GRIN2B: variants seen among roughly 807,000 people sequenced by gnomAD.
GRIN2B encodes the protein glutamate ionotropic receptor NMDA type subunit 2B.
GRIN2B carries 5 observed loss-of-function variants against 114.5 expected under a neutral mutation model. The observed-to-expected ratio is 0.04, with a 90% CI of 0.02 to 0.09. The LOEUF (loss-of-function observed/expected upper bound fraction) is 0.09, where lower values mean the gene tolerates loss of function less well. Ranked by LOEUF, GRIN2B falls within the 10% of genes least tolerant of loss-of-function variation. The pLI is 1.00. For synonymous variants in GRIN2B, 787 were observed against 745.1 expected (o/e 1.06, Z -0.92); for missense variants, 1,108 against 1,943.5 (o/e 0.57, Z 8.08).
intron 10 of GRIN2B, among the ~76,000 whole-genome samples, chr12:13,608,261 C>T (rs915312487): frequency 3.3e-5 from 5 of 152,294 alleles, no homozygotes; most frequent in African/African-American, 4.8e-5. Flanking sequence ...TACACGGCGG[C>T]GGTCCTCTAA....
chr12:13,575,591 G>A (rs1047368241), intron 10 of GRIN2B, among the ~76,000 whole-genome samples: 5 of 151,932 alleles, frequency 3.3e-5, no homozygotes, highest in Non-Finnish European at 7.4e-5. Context: ...CCCAGGAGGT[G>A]GAGGTTGCAG....
chr12:13,804,152 GCT>G (rs745410501), intron 3 of GRIN2B, among the ~76,000 whole-genome samples: 2 of 126,546 alleles, frequency 1.6e-5, no homozygotes, highest in Non-Finnish European at 3.8e-5. Context: ...CATTTCTGCA[GCT>G]CTCTTTTTTT....
chr12:13,921,957 A>G (rs1386487200), intron 2 of GRIN2B, among the ~76,000 whole-genome samples: 1 of 152,182 alleles, frequency 6.6e-6, no homozygotes, highest in East Asian at 1.9e-4. Flanking sequence ...TAAATATGCA[A>G]CCTTGACCAA....
chr12:13,848,684 C>A (rs1394558460), intron 3 of GRIN2B, among the ~76,000 whole-genome samples: 1 of 152,148 alleles, frequency 6.6e-6, no homozygotes, highest in Non-Finnish European at 1.5e-5. Flanking sequence ...CTCCCACAGA[C>A]AAAAAGCCAG....
At chr12:13,941,724 G>C (rs553816146) in intron 2 of GRIN2B, among the ~76,000 whole-genome samples, 1 of 152,314 alleles carries the variant, frequency 6.6e-6, no homozygotes, top group Admixed American at 6.5e-5. Context: ...CAGATTTCCA[G>C]TCTGTTAGCG....
chr12:13,702,097 T>C (rs1346013583), intron 4 of GRIN2B, among the ~76,000 whole-genome samples: 2 of 152,250 alleles, frequency 1.3e-5, no homozygotes, highest in South Asian at 2.1e-4. Flanking sequence ...AAGTGTTTTA[T>C]AATTTATGGA....
At chr12:13,737,025 C>T (rs1312814477) in intron 4 of GRIN2B, among the ~76,000 whole-genome samples, 2 of 42,504 alleles carry the variant, frequency 4.7e-5, no homozygotes, top group Non-Finnish European at 8.4e-5. Flanking sequence ...AGAGAAACTC[C>T]ATCTCAAAAA....
At chr12:13,762,160 C>T (rs960601867) in intron 3 of GRIN2B, among the ~76,000 whole-genome samples, 4 of 152,064 alleles carry the variant, frequency 2.6e-5, no homozygotes, top group East Asian at 1.9e-4. Context: ...CCCGCCACCA[C>T]GACCGGCTAA....
chr12:13,540,025 C>T lies in GRIN2B; in HGVS notation c.*22758G>A, dbSNP rs1210433478. On this transcript the variant is annotated 3_prime_UTR_variant, in exon 14 of 14. Transcript: ENST00000609686. ...TTATGGGATTTGTTTCAGAATAATACATGAGGGGGAGATGAGTGTAACCAA... is the reference window on the plus strand; with the variant it reads ...TTATGGGATTTGTTTCAGAATAATATATGAGGGGGAGATGAGTGTAACCAA... The T allele has an allele frequency of 6.6e-6, 1 of 152,134 alleles. No homozygotes were observed. Among genetic ancestry groups the T allele is most frequent in the African/African-American group, 2.4e-5 (1 of 41,434 alleles). The allele number at this position is 152,134 out of a possible 1,614,324, so 9.4% of individuals were successfully genotyped here. A position where few individuals can be genotyped will look rare whatever the true frequency, so the allele number is the denominator to read the frequency against.
At chr12:13,817,097 T>C (rs1298201796) in intron 3 of GRIN2B, among the ~76,000 whole-genome samples, 1 of 152,150 alleles carries the variant, frequency 6.6e-6, no homozygotes, top group East Asian at 1.9e-4. Context: ...ATTTTTTTTT[T>C]TCTCAATTTC....
Position 13,889,946 on chromosome 12 carries a change from T to C in GRIN2B, c.-18-23720A>G, listed in dbSNP as rs972495317. Among the ~76,000 whole-genome samples the C allele has an allele frequency of 3.3e-5, 5 of 152,294 alleles. No individual in the cohort carries two copies. The South Asian group carries it at 1.0e-3, about 32-fold the overall frequency. On this transcript the variant is annotated intron_variant, in intron 2 of 13. Transcript: ENST00000609686. ...GCTGCTCAGAGGATTTCATCTTGCC[T>C]AGACTTCTAAGAAAAGCCTGATCAA...
chr12:13,970,369 C>T (rs371602606), intron 2 of GRIN2B, among the ~76,000 whole-genome samples: 3 of 152,142 alleles, frequency 2.0e-5, no homozygotes, highest in Admixed American at 1.3e-4. Flanking sequence ...AAGATACTTT[C>T]GTCTGTTCCA....
rs73307993 is a variant in GRIN2B, at chr12:13,889,927, C to A, written c.-18-23701G>T. Reference sequence around the variant, plus strand: ...ACCGTCATTCTCCAGCCTTGCTGCTCAGAGGATTTCATCTTGCCTAGACTT... The same window carrying A: ...ACCGTCATTCTCCAGCCTTGCTGCTAAGAGGATTTCATCTTGCCTAGACTT... On this transcript the variant is annotated intron_variant, in intron 2 of 13. Coordinates refer to ENST00000609686, the MANE Select transcript of GRIN2B (RefSeq NM_000834.5). Among the ~76,000 whole-genome samples, 1,042 of 152,304 alleles carry A rather than the reference C, an allele frequency of 6.8e-3. 17 individuals carry two copies. The highest frequency in any genetic ancestry group is 0.024 in the African/African-American group (981 of 41,566).
intron 4 of GRIN2B, among the ~76,000 whole-genome samples, chr12:13,724,537 C>T (rs941402202): frequency 6.6e-6 from 1 of 151,840 alleles, no homozygotes. Flanking sequence ...AAGACTTTGG[C>T]AAAATATTGA....
At chr12:13,890,873 G>A (rs1291065520) in intron 2 of GRIN2B, among the ~76,000 whole-genome samples, 1 of 152,172 alleles carries the variant, frequency 6.6e-6, no homozygotes, top group Non-Finnish European at 1.5e-5. Flanking sequence ...GACAGGTAGT[G>A]CCCTGGGTAT....
intron 3 of GRIN2B, among the ~76,000 whole-genome samples, chr12:13,805,462 C>T (rs113881181): frequency 3.3e-5 from 5 of 152,248 alleles, no homozygotes; most frequent in African/African-American, 1.2e-4. Flanking sequence ...TCAGTGCTAA[C>T]TACAGCACAA....
intron 4 of GRIN2B, among the ~76,000 whole-genome samples, chr12:13,739,626 A>C (rs1863246820): frequency 6.6e-6 from 1 of 151,976 alleles, no homozygotes; most frequent in African/African-American, 2.4e-5. Context: ...TCCCCGGTGT[A>C]ATACTTGTGG....
At chr12:13,917,480 G>A (rs186616986) in intron 2 of GRIN2B, among the ~76,000 whole-genome samples, 66 of 152,306 alleles carry the variant, frequency 4.3e-4, no homozygotes, top group Non-Finnish European at 8.4e-4. Context: ...AATGTACAGA[G>A]AGAAATGTCA....
At chr12:13,748,879 T>C (rs1863432933) in intron 4 of GRIN2B, among the ~76,000 whole-genome samples, 1 of 152,250 alleles carries the variant, frequency 6.6e-6, no homozygotes, top group South Asian at 2.1e-4. Context: ...TTGGTATAAA[T>C]ATGTCCCATG....
Sources: gnomAD v4.1 joint callset for allele counts (sites outside exome capture counted in the v4.1 genomes callset) on GRCh38, gnomAD v4.1.1 for gene constraint, MANE v1.5 for transcripts, NCBI Gene and HGNC (gene_info 2026-07-23, HGNC 2026-07-21) for gene names.